Variants in TIGIT observed in about 807,000 individuals in gnomAD.
The protein encoded by TIGIT is T-cell immunoreceptor with Ig and ITIM domains.
In TIGIT, 11 loss-of-function variants were observed where a neutral mutation model predicts 19.6. The observed-to-expected ratio is 0.56, with a 90% CI of 0.35 to 0.93. The LOEUF is 0.93. Among genes scored for constraint, TIGIT ranks in the 40% least tolerant of loss-of-function variants. TIGIT has a pLI of 0.01. For synonymous variants in TIGIT, 130 were observed against 125.5 expected (o/e 1.04, Z -0.24); for missense variants, 295 against 303.9 (o/e 0.97, Z 0.22).
Position 114,295,650 on chromosome 3 carries a change from A to C in TIGIT, c.167A>C (p.Gln56Pro). 1.9e-6 allele frequency: 3 copies of C among 1,614,228 alleles called. No individual in the cohort carries two copies. The highest frequency in any genetic ancestry group is 2.2e-5 in the South Asian group (2 of 91,090). Residue 56 changes from glutamine to proline, a missense_variant, in exon 2 of 4, where the codon CAG becomes CCG. Coordinates refer to ENST00000383671, the MANE Select transcript of TIGIT (RefSeq NM_173799.4). The part of the protein sequence containing the change: ...HLSSTTAQVT[Q>P]VNWEQQDQLL... ...TCCTCCACCACGGCACAAGTGACCC[A>C]GGTCAACTGGGAGCAGCAGGACCAG...
At chr3:114,298,136 T>C (rs2078467023) in intron 2 of TIGIT, among the ~76,000 whole-genome samples, 1 of 152,198 alleles carries the variant, frequency 6.6e-6, no homozygotes, top group Non-Finnish European at 1.5e-5. Context: ...TAAGTAACCC[T>C]TATACAGAGT....
At chr3:114,294,516 A>G (rs1034504109) in intron 1 of TIGIT, among the ~76,000 whole-genome samples, 4 of 152,196 alleles carry the variant, frequency 2.6e-5, no homozygotes, top group African/African-American at 9.7e-5. Flanking sequence ...CTGTGAATTG[A>G]AAATGTCTTT....
rs1031719906 is a variant in TIGIT, at chr3:114,308,274, C to T, written c.*143C>T. On this transcript the variant is annotated 3_prime_UTR_variant, in exon 4 of 4. Coordinates refer to ENST00000383671, the MANE Select transcript of TIGIT (RefSeq NM_173799.4). Reference sequence around the variant, plus strand: ...GTTCAGTTGAGTGAATAAATGTCATCCTCTTCTCCATCTTCATTTCCTTGG... The same window carrying T: ...GTTCAGTTGAGTGAATAAATGTCATTCTCTTCTCCATCTTCATTTCCTTGG... The T allele has an allele frequency of 1.4e-6, 1 of 689,786 alleles. No individual in the cohort carries two copies. Among genetic ancestry groups the T allele is most frequent in the South Asian group, 1.9e-5 (1 of 53,786 alleles). The allele number at this position is 689,786 out of a possible 1,614,324, so 42.7% of individuals were successfully genotyped here.
Position 114,295,454 on chromosome 3 carries a change from T to G in TIGIT, c.62-91T>G. ...GAGAAACTATCATTCCAAAATCCAG[T>G]TGGGGCCTCAAAGGCCCTTAGAATT... is the stretch of plus-strand genomic sequence containing the variant. On this transcript the variant is annotated intron_variant, in intron 1 of 3. Coordinates refer to ENST00000383671, the MANE Select transcript of TIGIT (RefSeq NM_173799.4). 5.3e-6 allele frequency: 5 copies of G among 943,524 alleles called. No individual in the cohort carries two copies. In the South Asian group the frequency reaches 7.9e-5, roughly 15 times the overall value. The allele number at this position is 943,524 out of a possible 1,614,324, so 58.4% of individuals were successfully genotyped here. A position where few individuals can be genotyped will look rare whatever the true frequency, so the allele number is the denominator to read the frequency against.
chr3:114,307,776 TA>T, intron 3 of TIGIT, 118 bp from the exon 4 acceptor site: 1 of 903,674 alleles, frequency 1.1e-6, no homozygotes, highest in Non-Finnish European at 1.8e-6. Context: ...TTGGTGTTGG[TA>T]AGAACATAAG....
In TIGIT at chr3:114,295,656, A is replaced by G; in HGVS notation, c.173A>G (p.Asn58Ser). ...ACCACGGCACAAGTGACCCAGGTCA[A>G]CTGGGAGCAGCAGGACCAGCTTCTG... ...SSTTAQVTQV[N>S]WEQQDQLLAI... Residue 58 changes from asparagine (N) to serine (S), a missense_variant, in exon 2 of 4, where the codon AAC becomes AGC. Asn to Ser is a conservative substitution (Grantham distance 46). Transcript: ENST00000383671. The G allele has an allele frequency of 6.2e-7, 1 of 1,614,228 alleles. No homozygotes were observed.
chr3:114,296,153 C>CCT (rs1475605983), intron 2 of TIGIT: 1 of 348,616 alleles, frequency 2.9e-6, no homozygotes, highest in Non-Finnish European at 5.2e-6. Context: ...GCACATCTTA[C>CCT]CTATATTTCC....
rs375713492 is a variant in TIGIT at position 114,299,724 on chromosome 3, C to T, written c.498+21C>T. The T allele has an allele frequency of 3.2e-6, 5 of 1,550,782 alleles. No homozygotes were observed. In the South Asian group the frequency reaches 4.5e-5, roughly 14 times the overall value. On this transcript the variant is annotated intron_variant, in intron 3 of 3. Transcript: ENST00000383671. ...GAAAGGTAATGGCTCCGGCTGCACACCGCAGTCATGGGCACCCCCACGTCT... is the reference window on the plus strand; with the variant it reads ...GAAAGGTAATGGCTCCGGCTGCACATCGCAGTCATGGGCACCCCCACGTCT...
intron 1 of TIGIT, chr3:114,295,202 G>A (rs2078445516): frequency 7.5e-6 from 2 of 267,692 alleles, no homozygotes; most frequent in South Asian, 4.8e-5. Context: ...TGGGCGAGGT[G>A]TAAAGAGGGG....
chr3:114,297,531 A>G (rs560185888), intron 2 of TIGIT, among the ~76,000 whole-genome samples: 2 of 152,316 alleles, frequency 1.3e-5, no homozygotes, highest in South Asian at 2.1e-4. Context: ...GTCATATGCC[A>G]GAGGACCCAT....
At chr3:114,294,195 G>C in intron 1 of TIGIT, 73 bp downstream of exon 1, 1 of 1,240,006 alleles carries the variant, frequency 8.1e-7, no homozygotes, top group South Asian at 1.4e-5. Context: ...TTGGGTGCTT[G>C]TGTAGGGAAG....
intron 3 of TIGIT, among the ~76,000 whole-genome samples, chr3:114,305,390 G>A (rs1379558963): frequency 2.0e-5 from 3 of 152,162 alleles, no homozygotes; most frequent in Non-Finnish European, 4.4e-5. Context: ...CGGAAATAGA[G>A]CCTGACATGC....
chr3:114,296,863 C>G (rs2078456397), intron 2 of TIGIT, among the ~76,000 whole-genome samples: 1 of 150,178 alleles, frequency 6.7e-6, no homozygotes, highest in African/African-American at 2.5e-5. Flanking sequence ...AAAAGGTTAC[C>G]TTAAAGTTTC....
chr3:114,306,702 A>C (rs2078537492), intron 3 of TIGIT, among the ~76,000 whole-genome samples: 1 of 152,142 alleles, frequency 6.6e-6, no homozygotes, highest in Non-Finnish European at 1.5e-5. Context: ...GACCATCACA[A>C]GGGATGTTTT....
Position 114,305,869 on chromosome 3 carries a change from GATAGATA to G in TIGIT, c.499-2025_499-2019del, listed in dbSNP as rs2078531330. 1.0e-4 allele frequency among the ~76,000 whole-genome samples: 12 copies of G among 116,344 alleles called. No homozygotes were observed. In the South Asian group the frequency reaches 3.0e-3, roughly 29 times the overall value. 76.3% of individuals were successfully genotyped at this position (116,344 alleles called of 152,430 possible). ...GGGTGGGTGGATGGATGGATGGATAGATAGATAGATAGATAGATAGATAGATAGATAG... is the reference window on the plus strand; with the variant it reads ...GGGTGGGTGGATGGATGGATGGATAGGATAGATAGATAGATAGATAGATAG... On this transcript the variant is annotated intron_variant, in intron 3 of 3. Transcript: ENST00000383671.
chr3:114,299,701 A>G lies in TIGIT; in HGVS notation c.496A>G (p.Lys166Glu). 6.2e-7 allele frequency: 1 copy of G among 1,606,590 alleles called. No homozygotes were observed. Among genetic ancestry groups the G allele is most frequent in the Non-Finnish European group, 8.5e-7 (1 of 1,175,188 alleles). The change falls in exon 3 of 4, where the codon AAG (lysine) becomes GAG (glutamate). Residue 166 changes from lysine (K) to glutamate (E), a missense_variant and splice_region_variant. Coordinates refer to ENST00000383671, the MANE Select transcript of TIGIT (RefSeq NM_173799.4). ...CATCGTGGTGGTCGCGTTGACTAGAAAGGTAATGGCTCCGGCTGCACACCG... is the reference window on the plus strand; with the variant it reads ...CATCGTGGTGGTCGCGTTGACTAGAGAGGTAATGGCTCCGGCTGCACACCG... ...AVIVVVALTR[K>E]KKALRIHSVE...
chr3:114,302,915 C>T (rs1484810862), intron 3 of TIGIT, among the ~76,000 whole-genome samples: 4 of 152,228 alleles, frequency 2.6e-5, no homozygotes, highest in African/African-American at 9.6e-5. Context: ...TGTAAAGAGG[C>T]AGATAGTATA....
chr3:114,302,881 G>T (rs1000289861), intron 3 of TIGIT, among the ~76,000 whole-genome samples: 6 of 152,120 alleles, frequency 3.9e-5, no homozygotes, highest in African/African-American at 9.7e-5. Flanking sequence ...AAATTATTCA[G>T]TACAGGGATT....
Position 114,309,981 on chromosome 3 carries a change from A to T in TIGIT, c.*1850A>T, listed in dbSNP as rs888175271. On this transcript the variant is annotated 3_prime_UTR_variant, in exon 4 of 4. Transcript: ENST00000383671. ...TGAAATGGGATTCAATTTGAAAAAAATTTTTTTAAATAGAACTCACTGAAC... is the reference window on the plus strand; with the variant it reads ...TGAAATGGGATTCAATTTGAAAAAATTTTTTTTAAATAGAACTCACTGAAC... 2.6e-5 allele frequency: 4 copies of T among 152,180 alleles called. No homozygotes were observed. The highest frequency in any genetic ancestry group is 6.5e-5 in the Admixed American group (1 of 15,280). The allele number at this position is 152,180 out of a possible 1,614,324, so 9.4% of individuals were successfully genotyped here.
Sources: allele counts gnomAD v4.1 joint callset (sites outside exome capture counted in the v4.1 genomes callset), GRCh38; gene constraint gnomAD v4.1.1; transcripts MANE v1.5; gene names NCBI Gene and HGNC (gene_info 2026-07-23, HGNC 2026-07-21).